The following IQGAP3 variants were observed in gnomAD, a reference collection of about 807,000 sequenced individuals.
IQGAP3 encodes IQ motif containing GTPase activating protein 3, also known as ras GTPase-activating-like protein IQGAP3.
A neutral mutation model predicts 208.2 loss-of-function variants in IQGAP3; 165 were observed. The ratio of observed to expected loss-of-function variants is 0.79; its 90% CI spans 0.70 to 0.90. IQGAP3 has a LOEUF of 0.90. Ranked by LOEUF, IQGAP3 falls within the 40% of genes least tolerant of loss-of-function variation. The pLI is 0.00. For missense variants in IQGAP3, 1,811 were observed against 2,043.1 expected, an observed-to-expected ratio of 0.89 and a Z score of 2.19; for synonymous variants, 703 against 803.6, an observed-to-expected ratio of 0.87 and a Z score of 2.12.
In IQGAP3 at chr1:156,572,516, G is replaced by T. The variant is rs932935898; in HGVS notation, c.14C>A (p.Ala5Glu). 1 of 1,612,300 alleles carries T rather than the reference G, an allele frequency of 6.2e-7. No homozygotes were observed. Among genetic ancestry groups the T allele is most frequent in the Non-Finnish European group, 8.5e-7 (1 of 1,179,972 alleles). ...ACAGGCTGCCCAGCCTGGGCCCGCT[G>T]CTCTCCTCTCCATGTTCCTCCTTCT... MERRAAGPGWAAYER... is the reference protein window; with the variant it reads MERREAGPGWAAYER... Residue 5 changes from alanine to glutamate, a missense_variant, in exon 1 of 38, where the codon GCA (alanine) becomes GAA (glutamate). Physicochemically the swap from Ala to Glu is moderately radical, Grantham distance 107 (BLOSUM62 -1). Coordinates refer to ENST00000361170, the MANE Select transcript of IQGAP3 (RefSeq NM_178229.5).
At position 156,533,784 on chromosome 1, in the gene IQGAP3, G is replaced by C. The variant is rs368946935; in HGVS notation, c.3965C>G (p.Pro1322Arg). Residue 1322 changes from proline (P) to arginine (R), a missense_variant, in exon 31 of 38, where the codon CCT becomes CGT. Physicochemically the swap from Pro to Arg is moderately radical, Grantham distance 103. Coordinates refer to ENST00000361170, the MANE Select transcript of IQGAP3 (RefSeq NM_178229.5). The part of the protein sequence containing the change: ...LEDLGELPTI[P>R]DLIGESIAAD... ...AGGAGGGCACGTACCAATAAGGTCA[G>C]GGATGGTGGGCAGCTCCCCAAGATC... 9 of 1,613,578 alleles carry C rather than the reference G, an allele frequency of 5.6e-6. No individual in the cohort carries two copies. Among genetic ancestry groups the C allele is most frequent in the Non-Finnish European group, 6.8e-6 (8 of 1,179,810 alleles).
At chr1:156,551,142 C>A (rs1330240248) in intron 15 of IQGAP3, among the ~76,000 whole-genome samples, 1 of 152,158 alleles carries the variant, frequency 6.6e-6, no homozygotes, top group African/African-American at 2.4e-5. Flanking sequence ...CTCACTTACA[C>A]CCCATAACTA....
chr1:156,525,736 A>T lies in IQGAP3; in HGVS notation c.*750T>A, dbSNP rs1674015759. The T allele has an allele frequency of 7.0e-6, 1 of 142,080 alleles. No homozygotes were observed. Among genetic ancestry groups the T allele is most frequent in the Non-Finnish European group, 1.5e-5 (1 of 64,528 alleles). 8.8% of individuals were successfully genotyped at this position (142,080 alleles called of 1,614,324 possible). A position where few individuals can be genotyped will look rare whatever the true frequency, so the allele number is the denominator to read the frequency against. On this transcript the variant is annotated 3_prime_UTR_variant, in exon 38 of 38. Transcript: ENST00000361170. ...GAGAACTCTCTTTGAGCTCAAAAAA[A>T]AAAAAAAAAAAAAAAAAATGAAAGC...
intron 32 of IQGAP3, among the ~76,000 whole-genome samples, chr1:156,531,750 G>A (rs1321359414): frequency 1.3e-5 from 2 of 151,876 alleles, no homozygotes; most frequent in African/African-American, 4.8e-5. Context: ...GATTACAGGT[G>A]CCTGCCACCA....
intron 19 of IQGAP3, among the ~76,000 whole-genome samples, chr1:156,546,074 C>T (rs1215790078): frequency 1.3e-5 from 2 of 152,208 alleles, no homozygotes; most frequent in African/African-American, 2.4e-5. Context: ...CAAGCCTGCC[C>T]TCAGGACTCT....
At chr1:156,567,540 T>G (rs982397436) in intron 2 of IQGAP3, among the ~76,000 whole-genome samples, 1 of 152,242 alleles carries the variant, frequency 6.6e-6, no homozygotes, top group African/African-American at 2.4e-5. Flanking sequence ...TTATTATTAC[T>G]GATGGTTGTA....
chr1:156,535,962 C>T (rs1674666765), intron 27 of IQGAP3, among the ~76,000 whole-genome samples: 1 of 152,150 alleles, frequency 6.6e-6, no homozygotes, highest in African/African-American at 2.4e-5. Flanking sequence ...TTCAAATGTG[C>T]TAGACTGTAT....
At chr1:156,545,779 G>A (rs555857006) in intron 19 of IQGAP3, among the ~76,000 whole-genome samples, 1 of 152,166 alleles carries the variant, frequency 6.6e-6, no homozygotes, top group South Asian at 2.1e-4. Context: ...GGTTACAGGC[G>A]TGAGCCACCA....
intron 23 of IQGAP3, 149 bp downstream of exon 23, chr1:156,540,559 T>C (rs1036339799): frequency 6.2e-6 from 4 of 644,248 alleles, no homozygotes; most frequent in African/African-American, 1.8e-5. Context: ...TTTATTAGAA[T>C]GGCAGAGGGC....
chr1:156,548,522 A>G (rs1675381345), intron 17 of IQGAP3, 35 bp from the exon 18 acceptor site: 1 of 1,607,460 alleles, frequency 6.2e-7, no homozygotes, highest in African/African-American at 1.3e-5. Context: ...AAAGGTTCAG[A>G]GCAGGCAAGG....
intron 26 of IQGAP3, 46 bp downstream of exon 26, chr1:156,538,763 G>T: frequency 6.6e-7 from 1 of 1,520,608 alleles, no homozygotes; most frequent in Non-Finnish European, 9.1e-7. Flanking sequence ...AGCTGATCAA[G>T]ACACAGCTGA....
chr1:156,569,005 C>G (rs1323894603), intron 2 of IQGAP3, among the ~76,000 whole-genome samples: 3 of 151,932 alleles, frequency 2.0e-5, no homozygotes, highest in Non-Finnish European at 4.4e-5. Flanking sequence ...AATTAGTGAG[C>G]TTTTTGGATC....
chr1:156,563,099 C>T, intron 8 of IQGAP3, 35 bp downstream of exon 8: 1 of 1,528,024 alleles, frequency 6.5e-7, no homozygotes, highest in Non-Finnish European at 8.8e-7. Flanking sequence ...AGCCACTCAA[C>T]TTTTCGGTCC....
chr1:156,534,676 C>T lies in IQGAP3; in HGVS notation c.3565G>A (p.Ala1189Thr), dbSNP rs571490438. 8.7e-6 allele frequency: 14 copies of T among 1,610,696 alleles called. No individual in the cohort carries two copies. The highest frequency in any genetic ancestry group is 6.7e-5 in the Admixed American group (4 of 59,496). ...GCTGCCATGGCCACAATGTCGAAGGCGTCAGGAGCCACCACAGCTGGGTTC... is the reference window on the plus strand; with the variant it reads ...GCTGCCATGGCCACAATGTCGAAGGTGTCAGGAGCCACCACAGCTGGGTTC... ...FLNPAVVAPD[A>T]FDIVAMAAGG... The change falls in exon 29 of 38, where the codon GCC (alanine) becomes ACC (threonine). Residue 1189 changes from alanine (A) to threonine (T), a missense_variant. Coordinates refer to ENST00000361170, the MANE Select transcript of IQGAP3 (RefSeq NM_178229.5).
At position 156,561,852 on chromosome 1, in the gene IQGAP3, C is replaced by G; in HGVS notation, c.1027G>C (p.Glu343Gln). Reference protein sequence around the residue: ...WYLEQLNSDREQKAQELGLVE... With the variant: ...WYLEQLNSDRQQKAQELGLVE... ...CAGAGGCTAACCTGTGCCTTCTGCT[C>G]TCTGTCTGAGTTCAGCTGCTCCAGG... is the stretch of plus-strand genomic sequence containing the variant. Residue 343 changes from glutamate to glutamine, a missense_variant, in exon 10 of 38, where the codon GAG (glutamate) becomes CAG (glutamine). Coordinates refer to ENST00000361170, the MANE Select transcript of IQGAP3 (RefSeq NM_178229.5). The G allele has an allele frequency of 6.2e-7, 1 of 1,614,068 alleles. No individual in the cohort carries two copies. The highest frequency in any genetic ancestry group is 1.3e-5 in the African/African-American group (1 of 75,012).
chr1:156,544,854 C>T (rs1487800711), intron 19 of IQGAP3, among the ~76,000 whole-genome samples: 1 of 152,158 alleles, frequency 6.6e-6, no homozygotes, highest in Non-Finnish European at 1.5e-5. Context: ...ACTCATACAC[C>T]CATATGCAGA....
intron 16 of IQGAP3, among the ~76,000 whole-genome samples, chr1:156,549,763 G>T (rs1675456116): frequency 6.6e-6 from 1 of 152,198 alleles, no homozygotes; most frequent in African/African-American, 2.4e-5. Flanking sequence ...CAGACAGATG[G>T]ACAGGGAGAC....
intron 6 of IQGAP3, 22 bp downstream of exon 6, chr1:156,563,735 T>C (rs1428974753): frequency 6.2e-7 from 1 of 1,609,724 alleles, no homozygotes; most frequent in African/African-American, 1.3e-5. Context: ...GCTGTGGTGG[T>C]CAGGGAAGGA....
chr1:156,531,342 C>G (rs1674390919), intron 32 of IQGAP3, 95 bp from the exon 33 acceptor site: 4 of 898,012 alleles, frequency 4.5e-6, no homozygotes, highest in Non-Finnish European at 7.5e-6. Flanking sequence ...GTGGACCGTG[C>G]TCTATAGCAT....
Sources: allele counts gnomAD v4.1 joint callset (sites outside exome capture counted in the v4.1 genomes callset), GRCh38; gene constraint gnomAD v4.1.1; transcripts MANE v1.5; gene names NCBI Gene and HGNC (gene_info 2026-07-23, HGNC 2026-07-21).